Variants in DAW1 observed in about 807,000 individuals in gnomAD.
DAW1 encodes the protein dynein assembly factor with WD repeat domains 1.
In DAW1, 47 loss-of-function variants were observed where a neutral mutation model predicts 56.5. The observed-to-expected ratio is 0.83, with a 90% CI of 0.66 to 1.06. The LOEUF is 1.06. Among genes scored for constraint, DAW1 ranks in the 50% least tolerant of loss-of-function variants. The probability of loss-of-function intolerance (pLI) is 0.00; values close to 1 mark genes in which losing one functional copy is unlikely to be tolerated. For synonymous variants in DAW1, 190 were observed against 179.0 expected, an observed-to-expected ratio of 1.06 and a Z score of -0.49; for missense variants, 505 against 499.3, an observed-to-expected ratio of 1.01 and a Z score of -0.11.
intron 8 of DAW1, among the ~76,000 whole-genome samples, chr2:227,905,911 C>T (rs1045452474): frequency 1.9e-4 from 29 of 152,252 alleles, no homozygotes; most frequent in African/African-American, 6.5e-4. Context: ...CCCACCACCA[C>T]GCCTGGCTAA....
intron 10 of DAW1, among the ~76,000 whole-genome samples, chr2:227,914,440 T>C (rs1369123810): frequency 7.2e-5 from 11 of 152,114 alleles, no homozygotes; most frequent in Non-Finnish European, 4.4e-5. Context: ...TCTATGTTAC[T>C]TGTCATAAAT....
At chr2:227,891,478 CT>C (rs1289335998) in intron 4 of DAW1, among the ~76,000 whole-genome samples, 165 bp downstream of exon 4, 1 of 152,212 alleles carries the variant, frequency 6.6e-6, no homozygotes, top group Non-Finnish European at 1.5e-5. Context: ...CTCTTCTAAT[CT>C]GAGTTTTCTG....
chr2:227,906,085 G>A, intron 8 of DAW1, 151 bp from the exon 9 acceptor site: 1 of 525,372 alleles, frequency 1.9e-6, no homozygotes. Context: ...TTCTTTTTGA[G>A]CAATAGTAGA....
At chr2:227,891,339 T>C (rs1404592443) in intron 4 of DAW1, 26 bp downstream of exon 4, 3 of 1,592,954 alleles carry the variant, frequency 1.9e-6, no homozygotes, top group African/African-American at 2.7e-5. Flanking sequence ...TATGTCTAAT[T>C]TTTAGCAGTG....
intron 1 of DAW1, among the ~76,000 whole-genome samples, chr2:227,883,306 A>T (rs991634023): frequency 7.2e-5 from 11 of 152,248 alleles, no homozygotes; most frequent in Admixed American, 7.2e-4. Flanking sequence ...TATGATAAAA[A>T]TTGGTAGTGA....
At chr2:227,897,174 C>T (rs1414409395) in intron 5 of DAW1, among the ~76,000 whole-genome samples, 1 of 150,942 alleles carries the variant, frequency 6.6e-6, no homozygotes, top group Non-Finnish European at 1.5e-5. Flanking sequence ...AAGTAAAATG[C>T]CCTGGGCTGG....
intron 5 of DAW1, among the ~76,000 whole-genome samples, chr2:227,896,024 T>C (rs1296576695): frequency 6.6e-6 from 1 of 152,224 alleles, no homozygotes; most frequent in East Asian, 1.9e-4. Flanking sequence ...ACTTGATATC[T>C]AGGTTGCCAA....
chr2:227,901,612 G>A (rs1691548384), intron 6 of DAW1, among the ~76,000 whole-genome samples: 1 of 152,034 alleles, frequency 6.6e-6, no homozygotes, highest in Admixed American at 6.6e-5. Context: ...AGAAAGGGAG[G>A]GAAACTAGAG....
In DAW1 at chr2:227,881,628, C is replaced by T. The variant is rs138399129; in HGVS notation, c.41-3723C>T. 9.4e-3 allele frequency among the ~76,000 whole-genome samples: 1,431 copies of T among 152,130 alleles called. 15 individuals are homozygous for T. The highest frequency in any genetic ancestry group is 0.02 in the South Asian group (94 of 4,820). ...TCATATACATCTTATTTAATCTCAA[C>T]CAGCAAACTTATAGGTTCATAGATG... On this transcript the variant is annotated intron_variant, in intron 1 of 12. Coordinates refer to ENST00000309931, the MANE Select transcript of DAW1 (RefSeq NM_178821.3).
chr2:227,877,506 A>G (rs528588228), intron 1 of DAW1, among the ~76,000 whole-genome samples: 4 of 152,254 alleles, frequency 2.6e-5, no homozygotes, highest in African/African-American at 4.8e-5. Context: ...TTTTGCTCAT[A>G]TTGGAGCTCA....
intron 1 of DAW1, among the ~76,000 whole-genome samples, chr2:227,881,740 A>G (rs1410405723): frequency 2.1e-5 from 2 of 96,174 alleles, no homozygotes; most frequent in Admixed American, 2.5e-4. Flanking sequence ...ACTCTGCCAC[A>G]TTCTTTTTTT....
intron 5 of DAW1, among the ~76,000 whole-genome samples, chr2:227,896,538 G>A (rs1415895860): frequency 1.3e-5 from 2 of 151,596 alleles, no homozygotes; most frequent in African/African-American, 4.9e-5. Context: ...TGCACTTTGG[G>A]GTCATTGGGG....
At chr2:227,893,284 G>C (rs368350587) in intron 4 of DAW1, among the ~76,000 whole-genome samples, 72 of 150,430 alleles carry the variant, frequency 4.8e-4, no homozygotes, top group East Asian at 8.1e-4. Context: ...GTGGGGTGGG[G>C]GTTGGGGGAG....
intron 10 of DAW1, among the ~76,000 whole-genome samples, chr2:227,908,645 T>C (rs1460844409): frequency 2.0e-5 from 3 of 152,248 alleles, no homozygotes; most frequent in African/African-American, 7.2e-5. Flanking sequence ...GAAAAACATG[T>C]GTTAACACTA....
chr2:227,920,564 G>A (rs527347392), intron 11 of DAW1, among the ~76,000 whole-genome samples: 208 of 152,296 alleles, frequency 1.4e-3, no homozygotes, highest in African/African-American at 4.6e-3. Context: ...TATACTTGGG[G>A]TGGCAGTAGA....
At chr2:227,903,387 G>A (rs1020506164) in intron 7 of DAW1, among the ~76,000 whole-genome samples, 7 of 152,184 alleles carry the variant, frequency 4.6e-5, no homozygotes, top group African/African-American at 1.7e-4. Flanking sequence ...GAAAGCAGGT[G>A]GAGGCTGGCA....
chr2:227,880,469 C>G lies in DAW1; in HGVS notation c.41-4882C>G, dbSNP rs190457370. On this transcript the variant is annotated intron_variant, in intron 1 of 12. Transcript: ENST00000309931. ...TTTTTCTTTTTAGTTTGCTTTTGAT[C>G]CTAGAGTTTGGTTTCAGGTCTTTAG... Among the ~76,000 whole-genome samples, 14 of 150,212 alleles carry G rather than the reference C, an allele frequency of 9.3e-5. No individual in the cohort carries two copies. In the East Asian group the frequency reaches 2.3e-3, roughly 25 times the overall value.
At chr2:227,901,436 G>A (rs768193264) in intron 6 of DAW1, among the ~76,000 whole-genome samples, 10 of 152,200 alleles carry the variant, frequency 6.6e-5, no homozygotes, top group Non-Finnish European at 1.2e-4. Flanking sequence ...GTCTGGGAAA[G>A]AGACTTGGAT....
chr2:227,875,042 C>T (rs751563001), intron 1 of DAW1, among the ~76,000 whole-genome samples: 18 of 152,244 alleles, frequency 1.2e-4, no homozygotes, highest in African/African-American at 3.4e-4. Flanking sequence ...AGTGCCCACC[C>T]GACACATTCA....
Sources: allele counts gnomAD v4.1 joint callset (sites outside exome capture counted in the v4.1 genomes callset), GRCh38; gene constraint gnomAD v4.1.1; transcripts MANE v1.5; gene names NCBI Gene and HGNC (gene_info 2026-07-23, HGNC 2026-07-21).